Variants in KHDRBS3 observed in about 807,000 individuals in gnomAD.
The protein encoded by KHDRBS3 is KH domain-containing, RNA-binding, signal transduction-associated protein 3.
In KHDRBS3, 23 loss-of-function variants were observed where a neutral mutation model predicts 45.6. The ratio of observed to expected loss-of-function variants is 0.50; its 90% CI spans 0.36 to 0.72. The LOEUF (loss-of-function observed/expected upper bound fraction) is 0.72. Ranked by LOEUF, KHDRBS3 falls within the 30% of genes least tolerant of loss-of-function variation. The pLI is 0.00. For synonymous variants in KHDRBS3, 162 were observed against 156.5 expected, an observed-to-expected ratio of 1.04 and a Z score of -0.26; for missense variants, 352 against 424.8, an observed-to-expected ratio of 0.83 and a Z score of 1.51.
At chr8:135,617,877 G>A (rs1303796490) in intron 7 of KHDRBS3, among the ~76,000 whole-genome samples, 1 of 152,104 alleles carries the variant, frequency 6.6e-6, no homozygotes, top group African/African-American at 2.4e-5. Flanking sequence ...AGTTGTTAAA[G>A]GCTCATTTAA....
At chr8:135,571,940 T>A (rs999929457) in intron 5 of KHDRBS3, among the ~76,000 whole-genome samples, 10 of 152,346 alleles carry the variant, frequency 6.6e-5, no homozygotes, top group African/African-American at 2.2e-4. Context: ...GGAATCAAAC[T>A]GTGCTGTGAT....
chr8:135,458,362 T>G (rs1821228496), intron 1 of KHDRBS3, among the ~76,000 whole-genome samples: 1 of 152,006 alleles, frequency 6.6e-6, no homozygotes, highest in Non-Finnish European at 1.5e-5. Flanking sequence ...GAGAAAAAGC[T>G]GGAGGAAAAT....
At chr8:135,560,006 A>T (rs1457238731) in intron 5 of KHDRBS3, among the ~76,000 whole-genome samples, 1 of 152,194 alleles carries the variant, frequency 6.6e-6, no homozygotes, top group Admixed American at 6.5e-5. Context: ...GTTTGAGGAC[A>T]GGAGTTTGAG....
chr8:135,585,113 C>T (rs1216901273), intron 6 of KHDRBS3, among the ~76,000 whole-genome samples: 1 of 150,312 alleles, frequency 6.7e-6, no homozygotes, highest in Non-Finnish European at 1.5e-5. Context: ...CCTGTAAACC[C>T]ACCTACTTAG....
intron 2 of KHDRBS3, among the ~76,000 whole-genome samples, chr8:135,522,708 G>T (rs1203183351): frequency 6.6e-6 from 1 of 152,090 alleles, no homozygotes; most frequent in African/African-American, 2.4e-5. Context: ...TTTGAATCTT[G>T]AAATCTTTGC....
intron 1 of KHDRBS3, among the ~76,000 whole-genome samples, chr8:135,490,572 A>G (rs1226275419): frequency 1.3e-5 from 2 of 152,240 alleles, no homozygotes. Flanking sequence ...TAATACCTGT[A>G]TCTTCAGAGT....
intron 2 of KHDRBS3, among the ~76,000 whole-genome samples, chr8:135,531,773 G>C (rs934242875): frequency 1.3e-5 from 2 of 152,106 alleles, no homozygotes; most frequent in African/African-American, 4.8e-5. Flanking sequence ...TAGAATAACT[G>C]TTGGGCTAGA....
chr8:135,515,365 TAAA>T (rs59502823), intron 1 of KHDRBS3, among the ~76,000 whole-genome samples: 28 of 39,724 alleles, frequency 7.0e-4, no homozygotes, highest in Non-Finnish European at 9.6e-4. Flanking sequence ...GACTCCGTCT[TAAA>T]AAAAAAAAAA....
At chr8:135,471,502 C>T (rs1430610447) in intron 1 of KHDRBS3, among the ~76,000 whole-genome samples, 1 of 152,136 alleles carries the variant, frequency 6.6e-6, no homozygotes, top group Admixed American at 6.5e-5. Context: ...GTGTTCAGCT[C>T]AGTGGGGAAG....
At chr8:135,483,150 T>G (rs1258506193) in intron 1 of KHDRBS3, among the ~76,000 whole-genome samples, 1 of 152,214 alleles carries the variant, frequency 6.6e-6, no homozygotes. Flanking sequence ...CTGAAGGGTT[T>G]TCTCTATCGA....
At chr8:135,618,857 A>G (rs1300243800) in intron 7 of KHDRBS3, among the ~76,000 whole-genome samples, 1 of 152,164 alleles carries the variant, frequency 6.6e-6, no homozygotes, top group Non-Finnish European at 1.5e-5. Context: ...GGAGCCTGGC[A>G]CGTGGCACTT....
intron 6 of KHDRBS3, among the ~76,000 whole-genome samples, chr8:135,583,311 G>A (rs1828305106): frequency 6.6e-6 from 1 of 152,170 alleles, no homozygotes; most frequent in Admixed American, 6.6e-5. Flanking sequence ...TTGTTATTCA[G>A]CTGAGGAAGG....
chr8:135,547,101 TGAGA>T (rs1319674893), intron 3 of KHDRBS3, among the ~76,000 whole-genome samples: 1 of 152,186 alleles, frequency 6.6e-6, no homozygotes, highest in African/African-American at 2.4e-5. Context: ...ACTTGAGCAA[TGAGA>T]GAGATTCAGA....
At chr8:135,604,304 T>G (rs1829352046) in intron 6 of KHDRBS3, among the ~76,000 whole-genome samples, 3 of 40,446 alleles carry the variant, frequency 7.4e-5, no homozygotes. Context: ...TTCAACCTGT[T>G]TTTATGTTTG....
intron 2 of KHDRBS3, 199 bp from the exon 3 acceptor site, chr8:135,542,455 T>C: frequency 3.9e-6 from 2 of 506,666 alleles, no homozygotes; most frequent in Non-Finnish European, 7.0e-6. Context: ...TAAAGAAATA[T>C]ATCAGGGTTT....
intron 1 of KHDRBS3, among the ~76,000 whole-genome samples, chr8:135,518,163 GT>G (rs550055074): frequency 1.3e-5 from 2 of 150,888 alleles, no homozygotes; most frequent in Non-Finnish European, 1.5e-5. Context: ...AAACTACTTT[GT>G]TTTTTTTTGT....
chr8:135,653,511 T>C (rs1314441876), intron 4 of KHDRBS3, among the ~76,000 whole-genome samples: 1 of 152,256 alleles, frequency 6.6e-6, no homozygotes, highest in African/African-American at 2.4e-5. Flanking sequence ...TTTGAATATG[T>C]ATCTTTTCTG....
chr8:135,516,570 T>TTGTGTGTGTGTGTG (rs56155377), intron 1 of KHDRBS3, among the ~76,000 whole-genome samples: 211 of 149,140 alleles, frequency 1.4e-3, no homozygotes, highest in Middle Eastern at 3.5e-3. Flanking sequence ...GTTTCTTACA[T>TTGTGTGTGTGTGTG]TGTGTGTGTG....
At chr8:135,615,723 A>G (rs1829888619) in intron 7 of KHDRBS3, among the ~76,000 whole-genome samples, 1 of 152,204 alleles carries the variant, frequency 6.6e-6, no homozygotes, top group Non-Finnish European at 1.5e-5. Context: ...TTTAAAGTAA[A>G]AGAAAATTAA....
Sources: allele counts gnomAD v4.1 joint callset (sites outside exome capture counted in the v4.1 genomes callset), GRCh38; gene constraint gnomAD v4.1.1; transcripts MANE v1.5; gene names NCBI Gene and HGNC (gene_info 2026-07-23, HGNC 2026-07-21).